The following IL17RD variants were observed in gnomAD, a reference collection of about 807,000 sequenced individuals.
IL17RD encodes interleukin-17 receptor D.
A neutral mutation model predicts 80.5 loss-of-function variants in IL17RD; 52 were observed. The ratio of observed to expected loss-of-function variants is 0.65; its 90% CI spans 0.52 to 0.81. IL17RD has a LOEUF of 0.81. IL17RD is among the 40% of genes least tolerant of loss of function. The probability of loss-of-function intolerance (pLI) is 0.00; values close to 1 mark genes in which losing one functional copy is unlikely to be tolerated. For synonymous variants in IL17RD, 416 were observed against 391.8 expected, an observed-to-expected ratio of 1.06 and a Z score of -0.73; for missense variants, 1,024 against 955.1, an observed-to-expected ratio of 1.07 and a Z score of -0.95.
chr3:57,098,788 C>T (rs1315969464), intron 11 of IL17RD, among the ~76,000 whole-genome samples: 1 of 152,220 alleles, frequency 6.6e-6, no homozygotes, highest in African/African-American at 2.4e-5. Flanking sequence ...GGAGTCATTA[C>T]CACTCCTGCC....
At position 57,104,361 on chromosome 3, in the gene IL17RD, G is replaced by T; in HGVS notation, c.794C>A (p.Pro265Gln). 6.2e-7 allele frequency: 1 copy of T among 1,608,376 alleles called. No homozygotes were observed. The highest frequency in any genetic ancestry group is 8.5e-7 in the Non-Finnish European group (1 of 1,175,652). The change falls in exon 8 of 13, where the codon CCA becomes CAA. Residue 265 changes from proline (P) to glutamine (Q), a missense_variant. Physicochemically the swap from Pro to Gln is moderately conservative, Grantham distance 76. Transcript: ENST00000296318. ...TTSCLLQNVSPGDYIIELVDD... is the reference protein window; with the variant it reads ...TTSCLLQNVSQGDYIIELVDD... ...GCATACCTCAATTATATAATCCCCT[G>T]GAGAAACATTTTGAAGGAGGCAGCT... is the stretch of plus-strand genomic sequence containing the variant.
At chr3:57,160,395 T>A (rs1269957935) in intron 1 of IL17RD, among the ~76,000 whole-genome samples, 1 of 152,176 alleles carries the variant, frequency 6.6e-6, no homozygotes, top group Admixed American at 6.5e-5. Context: ...TGGGAAGTTG[T>A]AAGATTTGAA....
intron 1 of IL17RD, among the ~76,000 whole-genome samples, chr3:57,131,051 C>T (rs1430268342): frequency 6.6e-6 from 1 of 152,230 alleles, no homozygotes; most frequent in African/African-American, 2.4e-5. Flanking sequence ...GGGGGGCAAT[C>T]ACCGGCTGAC....
chr3:57,120,539 C>T (rs1319508626), intron 1 of IL17RD, among the ~76,000 whole-genome samples: 1 of 152,224 alleles, frequency 6.6e-6, no homozygotes, highest in Non-Finnish European at 1.5e-5. Flanking sequence ...CATGAGCACT[C>T]ACTTCCCCTA....
rs1167396229 is a variant in IL17RD, at chr3:57,098,455, C to G, written c.1248G>C (p.Gln416His). 1.9e-6 allele frequency: 3 copies of G among 1,614,002 alleles called. No homozygotes were observed. The Admixed American group carries it at 5.0e-5, about 27-fold the overall frequency. The change falls in exon 12 of 13, where the codon CAG (glutamine) becomes CAC (histidine). Residue 416 changes from glutamine (Q) to histidine (H), a missense_variant. Transcript: ENST00000296318. ...EWVIQKIHESQFIIVVCSKGM... is the reference protein window; with the variant it reads ...EWVIQKIHESHFIIVVCSKGM... ...CTTTGGAACAAACCACAATGATGAA[C>G]TGGGACTCGTGGATCTTCTGGATGA...
intron 1 of IL17RD, among the ~76,000 whole-genome samples, chr3:57,136,507 C>T (rs757415151): frequency 4.0e-5 from 6 of 151,892 alleles, no homozygotes; most frequent in South Asian, 2.1e-4. Context: ...TGGTGGCATA[C>T]GCCTGTAGTC....
intron 10 of IL17RD, 56 bp from the exon 11 acceptor site, chr3:57,101,419 C>T: frequency 1.6e-6 from 2 of 1,224,066 alleles, no homozygotes; most frequent in South Asian, 2.8e-5. Flanking sequence ...TGTTCTATTT[C>T]CTAAGAATTG....
At chr3:57,109,491 G>C (rs761434415) in intron 5 of IL17RD, 46 bp downstream of exon 5, 1 of 1,588,112 alleles carries the variant, frequency 6.3e-7, no homozygotes, top group African/African-American at 1.4e-5. Flanking sequence ...ATTAAAAGCG[G>C]AGAAAAGTCT....
At chr3:57,147,685 G>C (rs898547718) in intron 1 of IL17RD, among the ~76,000 whole-genome samples, 2 of 152,108 alleles carry the variant, frequency 1.3e-5, no homozygotes, top group African/African-American at 2.4e-5. Context: ...AAAGGGGAGG[G>C]GAGCTTACTA....
At chr3:57,157,282 C>G (rs1481399398) in intron 1 of IL17RD, among the ~76,000 whole-genome samples, 1 of 152,184 alleles carries the variant, frequency 6.6e-6, no homozygotes, top group Admixed American at 6.5e-5. Flanking sequence ...AGCAGAAGCC[C>G]GTTCAAGTTT....
chr3:57,094,756 C>T lies in IL17RD; in HGVS notation c.*1637G>A, dbSNP rs1383381107. The T allele has an allele frequency of 6.6e-6, 1 of 152,198 alleles. No homozygotes were observed. The highest frequency in any genetic ancestry group is 1.5e-5 in the Non-Finnish European group (1 of 68,036). 9.4% of individuals were successfully genotyped at this position (152,198 alleles called of 1,614,324 possible). On this transcript the variant is annotated 3_prime_UTR_variant, in exon 13 of 13. Coordinates refer to ENST00000296318, the MANE Select transcript of IL17RD (RefSeq NM_017563.5). ...GGAGCTCTGCACTCATTCCAGATTC[C>T]ATAGGAACAACATAAAATGACTCTT... is the stretch of plus-strand genomic sequence containing the variant.
chr3:57,146,542 G>A (rs1000938381), intron 1 of IL17RD, among the ~76,000 whole-genome samples: 1 of 151,972 alleles, frequency 6.6e-6, no homozygotes. Context: ...CCTGTGGTTG[G>A]GAGTTCGAGA....
intron 1 of IL17RD, among the ~76,000 whole-genome samples, chr3:57,157,004 C>T (rs2060271681): frequency 6.6e-6 from 1 of 152,158 alleles, no homozygotes; most frequent in East Asian, 1.9e-4. Context: ...TGTTTGGACA[C>T]ATTCTCATGA....
chr3:57,109,349 G>A (rs1707039186), intron 5 of IL17RD, among the ~76,000 whole-genome samples, 188 bp downstream of exon 5: 2 of 151,944 alleles, frequency 1.3e-5, no homozygotes, highest in African/African-American at 2.4e-5. Context: ...GTTTCACCAT[G>A]TTGGCCAGGC....
chr3:57,120,907 A>C (rs1707322786), intron 1 of IL17RD, among the ~76,000 whole-genome samples: 1 of 152,108 alleles, frequency 6.6e-6, no homozygotes, highest in Admixed American at 6.5e-5. Context: ...AAAAGGCCTA[A>C]CTCTTACTCT....
intron 2 of IL17RD, among the ~76,000 whole-genome samples, chr3:57,115,831 C>T (rs972008387): frequency 1.3e-5 from 2 of 152,182 alleles, no homozygotes; most frequent in African/African-American, 2.4e-5. Context: ...TCCATTACCC[C>T]TCTGAAGCCA....
chr3:57,124,804 C>CTCCA (rs796480970), intron 1 of IL17RD, among the ~76,000 whole-genome samples: 21 of 152,248 alleles, frequency 1.4e-4, no homozygotes, highest in African/African-American at 5.1e-4. Flanking sequence ...TAAAATAGAC[C>CTCCA]TCCATGTCAC....
At chr3:57,102,807 A>C (rs187111718) in intron 9 of IL17RD, among the ~76,000 whole-genome samples, 8 of 152,304 alleles carry the variant, frequency 5.3e-5, no homozygotes, top group Non-Finnish European at 8.8e-5. Context: ...CTGGGACATA[A>C]AATACCTTTG....
chr3:57,111,802 C>CG (rs35934471), intron 3 of IL17RD, among the ~76,000 whole-genome samples: 18 of 148,858 alleles, frequency 1.2e-4, no homozygotes, highest in Non-Finnish European at 2.2e-4. Context: ...GCTAAAAATA[C>CG]AAAAAAAAAA....
Sources: gnomAD v4.1 joint callset for allele counts (sites outside exome capture counted in the v4.1 genomes callset) on GRCh38, gnomAD v4.1.1 for gene constraint, MANE v1.5 for transcripts, NCBI Gene and HGNC (gene_info 2026-07-23, HGNC 2026-07-21) for gene names.